ZMYM5: variants seen among roughly 807,000 people sequenced by gnomAD.
ZMYM5 encodes zinc finger MYM-type containing 5.
In ZMYM5, 41 loss-of-function variants were observed where a neutral mutation model predicts 61.8. The observed-to-expected ratio is 0.66, with a 90% confidence interval of 0.52 to 0.86. The LOEUF (loss-of-function observed/expected upper bound fraction) is 0.86. Among genes scored for constraint, ZMYM5 ranks in the 40% least tolerant of loss-of-function variants. The probability of loss-of-function intolerance (pLI) is 0.00; values close to 1 mark genes in which losing one functional copy is unlikely to be tolerated. For synonymous variants in ZMYM5, 257 were observed against 276.4 expected (o/e 0.93, Z 0.70); for missense variants, 706 against 786.7 (o/e 0.90, Z 1.23).
intron 4 of ZMYM5, among the ~76,000 whole-genome samples, chr13:19,840,947 G>T (rs1952854195): frequency 1.3e-5 from 2 of 149,894 alleles, no homozygotes; most frequent in African/African-American, 4.9e-5. Context: ...AAAGTGCTGG[G>T]ATTACAGGCC....
chr13:19,849,805 C>A (rs1028584572), intron 4 of ZMYM5, among the ~76,000 whole-genome samples: 1 of 151,774 alleles, frequency 6.6e-6, no homozygotes, highest in African/African-American at 2.4e-5. Context: ...CATAGTGAAA[C>A]CCCATCTCTA....
At chr13:19,838,493 C>T (rs973331523) in intron 5 of ZMYM5, among the ~76,000 whole-genome samples, 1 of 152,138 alleles carries the variant, frequency 6.6e-6, no homozygotes, top group South Asian at 2.1e-4. Flanking sequence ...GATTTCCAAA[C>T]CTATGTTCCA....
intron 5 of ZMYM5, 26 bp downstream of exon 5, chr13:19,838,674 G>A: frequency 6.2e-7 from 1 of 1,608,754 alleles, no homozygotes; most frequent in Non-Finnish European, 8.5e-7. Flanking sequence ...CAACTATGTG[G>A]AGAAATGTTG....
chr13:19,860,470 G>GTA (rs1555264415), intron 2 of ZMYM5, among the ~76,000 whole-genome samples: 42,489 of 135,866 alleles, frequency 0.31, 7,524 homozygotes, highest in East Asian at 0.61. Flanking sequence ...GTGTGTGTGT[G>GTA]TATTTTTTTT....
intron 7 of ZMYM5, among the ~76,000 whole-genome samples, chr13:19,834,961 A>C (rs1952628536): frequency 6.6e-6 from 1 of 151,044 alleles, no homozygotes; most frequent in Non-Finnish European, 1.5e-5. Context: ...CTGGGATTAC[A>C]AGTGTTAGCC....
At chr13:19,842,902 G>C (rs1217758862) in intron 4 of ZMYM5, among the ~76,000 whole-genome samples, 1 of 136,386 alleles carries the variant, frequency 7.3e-6, no homozygotes, top group Non-Finnish European at 1.5e-5. Flanking sequence ...AGAGGTTGCA[G>C]TGAGCCAACA....
chr13:19,835,825 GA>G, intron 6 of ZMYM5, 136 bp from the exon 7 acceptor site: 2 of 583,784 alleles, frequency 3.4e-6, no homozygotes, highest in Non-Finnish European at 5.1e-6. Flanking sequence ...CCAGGGAAAA[GA>G]TTTTTTTTTT....
At chr13:19,834,416 GAA>G (rs1441340856) in intron 7 of ZMYM5, among the ~76,000 whole-genome samples, 10 of 151,914 alleles carry the variant, frequency 6.6e-5, no homozygotes, top group Non-Finnish European at 1.5e-4. Context: ...AAAATGGGCT[GAA>G]GACCTGATAG....
chr13:19,830,575 C>T (rs9508909), intron 7 of ZMYM5, among the ~76,000 whole-genome samples: 1 of 152,008 alleles, frequency 6.6e-6, no homozygotes, highest in Non-Finnish European at 1.5e-5. Context: ...ACACTGTCAC[C>T]CAGGCTGGAG....
chr13:19,834,556 G>C (rs896466347), intron 7 of ZMYM5, among the ~76,000 whole-genome samples: 5 of 152,076 alleles, frequency 3.3e-5, no homozygotes, highest in Non-Finnish European at 4.4e-5. Flanking sequence ...CCAAAGTGCA[G>C]GGATTACAGG....
chr13:19,833,119 A>T (rs1030421317), intron 7 of ZMYM5, among the ~76,000 whole-genome samples: 2 of 152,200 alleles, frequency 1.3e-5, no homozygotes, highest in Non-Finnish European at 2.9e-5. Context: ...AAGAAAAAAT[A>T]ATTTAACATA....
chr13:19,851,325 G>T, intron 4 of ZMYM5, 30 bp downstream of exon 4: 1 of 1,559,778 alleles, frequency 6.4e-7, no homozygotes, highest in Non-Finnish European at 8.8e-7. Flanking sequence ...TTATTTACTT[G>T]AGGTAGAAAC....
chr13:19,855,032 C>G (rs940504270), intron 2 of ZMYM5, among the ~76,000 whole-genome samples: 2 of 151,880 alleles, frequency 1.3e-5, no homozygotes, highest in African/African-American at 4.8e-5. Context: ...TTTAAGGAAC[C>G]AGTTTAAAAT....
chr13:19,841,174 A>G (rs1025681272), intron 4 of ZMYM5, among the ~76,000 whole-genome samples: 3 of 151,798 alleles, frequency 2.0e-5, no homozygotes, highest in African/African-American at 4.8e-5. Flanking sequence ...CATGTTGGTC[A>G]GGCTGGTCTT....
intron 7 of ZMYM5, among the ~76,000 whole-genome samples, chr13:19,826,838 A>G (rs970246055): frequency 6.6e-6 from 1 of 152,194 alleles, no homozygotes; most frequent in African/African-American, 2.4e-5. Context: ...ATAGCCAAAA[A>G]GTAGAAACAA....
chr13:19,835,450 C>A (rs781152039), intron 7 of ZMYM5, 27 bp downstream of exon 7: 17 of 1,326,092 alleles, frequency 1.3e-5, no homozygotes, highest in Non-Finnish European at 1.6e-5. Flanking sequence ...TATATTTGAT[C>A]ATTTAAAGCT....
chr13:19,852,511 T>G (rs1273073693), intron 2 of ZMYM5, among the ~76,000 whole-genome samples: 1 of 152,246 alleles, frequency 6.6e-6, no homozygotes, highest in Non-Finnish European at 1.5e-5. Flanking sequence ...CTTAGGGTCC[T>G]AATATAATCA....
intron 4 of ZMYM5, among the ~76,000 whole-genome samples, chr13:19,844,264 T>C (rs1188262589): frequency 6.6e-6 from 1 of 151,792 alleles, no homozygotes; most frequent in African/African-American, 2.4e-5. Context: ...GAGCCGAGAA[T>C]GTGCCACTGC....
intron 1 of ZMYM5, among the ~76,000 whole-genome samples, chr13:19,863,086 C>T (rs1953833397): frequency 6.6e-6 from 1 of 152,194 alleles, no homozygotes; most frequent in Non-Finnish European, 1.5e-5. Context: ...GTCCTGACAG[C>T]GAAGACCCGG....
Sources: gnomAD v4.1 joint callset for allele counts (sites outside exome capture counted in the v4.1 genomes callset) on GRCh38, gnomAD v4.1.1 for gene constraint, MANE v1.5 for transcripts, NCBI Gene and HGNC (gene_info 2026-07-23, HGNC 2026-07-21) for gene names.